ANAPC15: variants seen among roughly 807,000 people sequenced by gnomAD.
The protein encoded by ANAPC15 is anaphase-promoting complex subunit 15.
In ANAPC15, 13 loss-of-function variants were observed where a neutral mutation model predicts 19.8. That is an observed-to-expected ratio of 0.66 (90% confidence interval 0.43 to 1.04). The LOEUF is 1.04. Ranked by LOEUF, ANAPC15 falls within the 50% of genes least tolerant of loss-of-function variation. ANAPC15 has a pLI of 0.00. For missense variants in ANAPC15, 88 were observed against 150.3 expected (o/e 0.59, Z 2.17); for synonymous variants, 45 against 50.7 (o/e 0.89, Z 0.47).
chr11:72,110,087 C>A lies in ANAPC15; in HGVS notation c.318+1G>T. The A allele has an allele frequency of 6.2e-7, 1 of 1,614,166 alleles. No homozygotes were observed. Among genetic ancestry groups the A allele is most frequent in the Non-Finnish European group, 8.5e-7 (1 of 1,180,022 alleles). On this transcript the variant is annotated splice_donor_variant, in intron 5 of 5. Coordinates refer to ENST00000227618, the MANE Select transcript of ANAPC15 (RefSeq NM_014042.3). LOFTEE classifies it high-confidence loss of function. ...GGCCCTCCCCCATACCCCTTGCCTA[C>A]CTCATTGACCTCTCCATCATCCGGT...
Position 72,111,104 on chromosome 11 carries a change from A to T in ANAPC15, c.120+53T>A, listed in dbSNP as rs912159889. 3.8e-6 allele frequency: 4 copies of T among 1,047,480 alleles called. No homozygotes were observed. In the South Asian group the frequency reaches 5.0e-5, roughly 13 times the overall value. The allele number at this position is 1,047,480 out of a possible 1,614,324, so 64.9% of individuals were successfully genotyped here. A position where few individuals can be genotyped will look rare whatever the true frequency, so the allele number is the denominator to read the frequency against. ...GTAAGGCTGGGTCATGGCCCACTGA[A>T]GGAGGTCTCTGTCTGTGCTGAGGTC... On this transcript the variant is annotated intron_variant, in intron 3 of 5. Transcript: ENST00000227618.
At chr11:72,108,113 G>A, downstream of ANAPC15, 1 of 1,505,394 alleles carries the variant, frequency 6.6e-7, no homozygotes, top group South Asian at 1.3e-5. Flanking sequence ...GCTTTGATGA[G>A]CACATGGTCA....
Position 72,109,653 on chromosome 11 carries a change from A to C in ANAPC15, c.*228T>G. On this transcript the variant is annotated 3_prime_UTR_variant, in exon 6 of 6. Coordinates refer to ENST00000227618, the MANE Select transcript of ANAPC15 (RefSeq NM_014042.3). The stretch of plus-strand genomic sequence containing the variant: ...AGACCTGGCAATCAAGGGGTGAGGT[A>C]CTGGCCAGGAAGGTGGAGTAGGTTT... 1 of 605,762 alleles carries C rather than the reference A, an allele frequency of 1.7e-6. No homozygotes were observed. The highest frequency in any genetic ancestry group is 2.9e-6 in the Non-Finnish European group (1 of 340,098). The allele number at this position is 605,762 out of a possible 1,614,324, so 37.5% of individuals were successfully genotyped here. A position where few individuals can be genotyped will look rare whatever the true frequency, so the allele number is the denominator to read the frequency against.
rs144034005 is a variant in ANAPC15, at chr11:72,112,483, G to C, written c.-96+167C>G. Reference sequence around the variant, plus strand: ...AATGAATGACGGACCTTGTGTGACGGGGTGGGGCTTAGTCTCGAGGAAGCG... The same window carrying C: ...AATGAATGACGGACCTTGTGTGACGCGGTGGGGCTTAGTCTCGAGGAAGCG... On this transcript the variant is annotated intron_variant, in intron 1 of 5. Transcript: ENST00000227618. 2.5e-4 allele frequency: 73 copies of C among 296,412 alleles called. 2 individuals carry two copies. In the East Asian group the frequency reaches 7.5e-3, roughly 31 times the overall value. 18.4% of individuals were successfully genotyped at this position (296,412 alleles called of 1,614,324 possible).
downstream of ANAPC15, chr11:72,107,384 G>T (rs752369734): frequency 1.1e-4 from 77 of 686,838 alleles, no homozygotes; most frequent in Admixed American, 1.8e-4. Flanking sequence ...TGAAAGATAG[G>T]GTGGTTGTTT....
intron 3 of ANAPC15, among the ~76,000 whole-genome samples, 178 bp downstream of exon 3, chr11:72,110,979 G>C (rs193214519): frequency 6.6e-6 from 1 of 152,370 alleles, no homozygotes; most frequent in East Asian, 1.9e-4. Context: ...TGGTACCCCT[G>C]TAAAATAGGG....
At chr11:72,108,794 G>A (rs2135215149), downstream of ANAPC15, 1 of 1,550,454 alleles carries the variant, frequency 6.4e-7, no homozygotes, top group Non-Finnish European at 8.7e-7. Flanking sequence ...GCTCTTCCCT[G>A]GTGCACCCCG....
At position 72,110,525 on chromosome 11, in the gene ANAPC15, A is replaced by T; in HGVS notation, c.180+19T>A. On this transcript the variant is annotated intron_variant, in intron 4 of 5. Transcript: ENST00000227618. ...CCACTGCGGCCCCCACACAGGCCCC[A>T]CCTGCTAGAGCCACTCACCTCTGAG... 1.9e-6 allele frequency: 3 copies of T among 1,614,102 alleles called. No individual in the cohort carries two copies. The African/African-American group carries it at 4.0e-5, about 22-fold the overall frequency.
chr11:72,109,353 C>T (rs1212943466), downstream of ANAPC15: 1 of 464,628 alleles, frequency 2.2e-6, no homozygotes, highest in African/African-American at 2.0e-5. Flanking sequence ...TGGGTGGGAT[C>T]AGAGGAAGTG....
chr11:72,109,046 C>T, downstream of ANAPC15: 1 of 848,874 alleles, frequency 1.2e-6, no homozygotes. Flanking sequence ...GCTAGGGAGT[C>T]TCTCTTCCCA....
downstream of ANAPC15, chr11:72,107,535 A>G (rs772970571): frequency 8.5e-5 from 60 of 702,734 alleles, no homozygotes; most frequent in Non-Finnish European, 8.8e-5. Flanking sequence ...AGACAGCTTG[A>G]TGGATTCTGG....
Position 72,109,850 on chromosome 11 carries a change from A to G in ANAPC15, c.*31T>C. On this transcript the variant is annotated 3_prime_UTR_variant, in exon 6 of 6. Transcript: ENST00000227618. ...TGCAGGGTAGTTTGGGCTGGCCTGG[A>G]ATCTCCCTGAGGCCACCCTGCCTTG... The G allele has an allele frequency of 6.2e-7, 1 of 1,612,336 alleles. No individual in the cohort carries two copies. The highest frequency in any genetic ancestry group is 8.5e-7 in the Non-Finnish European group (1 of 1,179,796).
downstream of ANAPC15, chr11:72,107,973 G>C: frequency 6.4e-7 from 1 of 1,551,726 alleles, no homozygotes; most frequent in South Asian, 1.2e-5. Flanking sequence ...TTGTGTGCTG[G>C]AATTGGGAAC....
chr11:72,111,638 T>C (rs573138913), intron 1 of ANAPC15, 142 bp from the exon 2 acceptor site: 2 of 193,944 alleles, frequency 1.0e-5, no homozygotes, highest in African/African-American at 4.7e-5. Flanking sequence ...GAATCCAGAA[T>C]GCAGACTGGC....
downstream of ANAPC15, chr11:72,108,480 A>T: frequency 1.3e-6 from 1 of 780,416 alleles, no homozygotes; most frequent in Admixed American, 3.2e-5. Flanking sequence ...AGGTCAGAGG[A>T]AATGTGAGAA....
At chr11:72,107,948 G>A (rs1354046900), downstream of ANAPC15, 3 of 1,551,708 alleles carry the variant, frequency 1.9e-6, no homozygotes, top group Admixed American at 3.9e-5. Flanking sequence ...GGCTGGTGGA[G>A]GAGAAGGCCC....
chr11:72,108,960 C>A (rs762334109), downstream of ANAPC15: 3 of 1,411,192 alleles, frequency 2.1e-6, no homozygotes, highest in South Asian at 1.4e-5. Flanking sequence ...GATGCCCACC[C>A]CCACCCCCAC....
At chr11:72,109,093 T>G, downstream of ANAPC15, 1 of 620,192 alleles carries the variant, frequency 1.6e-6, no homozygotes, top group Admixed American at 3.0e-5. Context: ...TGACCTCAAG[T>G]GTCAAGTTCT....
chr11:72,107,227 A>G (rs1945773927), downstream of ANAPC15: 5 of 577,896 alleles, frequency 8.7e-6, no homozygotes, highest in Non-Finnish European at 1.5e-5. Context: ...TGATCATGCT[A>G]CTGCACTCCA....
Sources: allele counts gnomAD v4.1 joint callset (sites outside exome capture counted in the v4.1 genomes callset), GRCh38; gene constraint gnomAD v4.1.1; transcripts MANE v1.5; gene names NCBI Gene and HGNC (gene_info 2026-07-23, HGNC 2026-07-21).